The following LRMDA variants were observed in gnomAD, a reference collection of about 807,000 sequenced individuals.
LRMDA encodes leucine-rich melanocyte differentiation-associated protein.
LRMDA carries 18 observed loss-of-function variants against 29.8 expected under a neutral mutation model. The observed-to-expected ratio is 0.60, with a 90% CI of 0.42 to 0.90. The LOEUF is 0.90. Ranked by LOEUF, LRMDA falls within the 40% of genes least tolerant of loss-of-function variation. The pLI, the probability that LRMDA is intolerant of heterozygous loss-of-function variation, is 0.00. For synonymous variants in LRMDA, 125 were observed against 109.4 expected (o/e 1.14, Z -0.89); for missense variants, 273 against 273.9 (o/e 1.00, Z 0.02).
At chr10:76,051,134 C>CCGTCTGGT (rs1350329243) in intron 4 of LRMDA, among the ~76,000 whole-genome samples, 32 of 152,354 alleles carry the variant, frequency 2.1e-4, no homozygotes, top group South Asian at 2.1e-4. Context: ...GGACCCTCCG[C>CCGTCTGGT]CGTCTGGTCG....
intron 2 of LRMDA, among the ~76,000 whole-genome samples, chr10:75,913,308 T>G (rs1417352846): frequency 2.0e-5 from 3 of 151,842 alleles, no homozygotes; most frequent in Middle Eastern, 6.3e-3. Context: ...AAGACAAAAA[T>G]TAGTCATGCA....
intron 2 of LRMDA, among the ~76,000 whole-genome samples, chr10:75,882,332 T>A (rs1295387019): frequency 1.3e-5 from 2 of 152,220 alleles, no homozygotes; most frequent in African/African-American, 2.4e-5. Flanking sequence ...ATAATCATAG[T>A]TCCTTTCCTC....
chr10:75,730,647 T>C (rs1055855573), intron 2 of LRMDA, among the ~76,000 whole-genome samples: 1 of 152,210 alleles, frequency 6.6e-6, no homozygotes, highest in African/African-American at 2.4e-5. Flanking sequence ...TGGCCTGGGT[T>C]GCTCTTCATA....
chr10:75,560,860 A>T (rs543845976), intron 2 of LRMDA, among the ~76,000 whole-genome samples: 217 of 152,308 alleles, frequency 1.4e-3, no homozygotes, highest in Non-Finnish European at 2.3e-3. Context: ...ATATTGAACC[A>T]GCCTTGCATC....
chr10:76,386,707 AATT>A (rs1841664040), intron 6 of LRMDA, among the ~76,000 whole-genome samples: 1 of 152,230 alleles, frequency 6.6e-6, no homozygotes, highest in South Asian at 2.1e-4. Flanking sequence ...CTATAAAATA[AATT>A]ATTGACAGAT....
chr10:75,503,319 G>A (rs1204720038), intron 2 of LRMDA, among the ~76,000 whole-genome samples: 1 of 152,146 alleles, frequency 6.6e-6, no homozygotes, highest in East Asian at 1.9e-4. Flanking sequence ...GCATTATGCA[G>A]TTTGGGTGTT....
At chr10:76,065,419 GTGC>G (rs995358579) in intron 5 of LRMDA, among the ~76,000 whole-genome samples, 20 of 152,338 alleles carry the variant, frequency 1.3e-4, no homozygotes, top group African/African-American at 4.8e-4. Context: ...GCCTTGCCAG[GTGC>G]TGAGCACATA....
At chr10:75,757,009 T>C (rs117836603) in intron 2 of LRMDA, among the ~76,000 whole-genome samples, 3,527 of 152,270 alleles carry the variant, frequency 0.023, 95 homozygotes, top group East Asian at 0.1. Flanking sequence ...TTAATGGGGC[T>C]CCAAATTTTA....
chr10:75,752,496 C>G lies in LRMDA; in HGVS notation c.132-283512C>G, dbSNP rs113551417. Among the ~76,000 whole-genome samples the G allele has an allele frequency of 1.3e-3, 197 of 152,278 alleles. 1 individual carries two copies. The highest frequency in any genetic ancestry group is 4.4e-3 in the African/African-American group (184 of 41,550). Reference sequence around the variant, plus strand: ...AAGTGCTGGGATTACAGGTGTGAACCACCACGCCCAGCCAATGTGCCTTTT... The same window carrying G: ...AAGTGCTGGGATTACAGGTGTGAACGACCACGCCCAGCCAATGTGCCTTTT... On this transcript the variant is annotated intron_variant, in intron 2 of 6. Coordinates refer to ENST00000611255, the MANE Select transcript of LRMDA (RefSeq NM_001305581.2).
intron 2 of LRMDA, among the ~76,000 whole-genome samples, chr10:75,694,986 G>A (rs1842216680): frequency 6.6e-6 from 1 of 152,148 alleles, no homozygotes; most frequent in Non-Finnish European, 1.5e-5. Flanking sequence ...GAGCCACAGT[G>A]TCTGCATCCT....
At chr10:76,359,298 C>A (rs1419246469) in intron 6 of LRMDA, among the ~76,000 whole-genome samples, 1 of 152,200 alleles carries the variant, frequency 6.6e-6, no homozygotes, top group Admixed American at 6.5e-5. Flanking sequence ...CAGCACTTCC[C>A]TGAAACCTGA....
chr10:75,654,527 C>A (rs549611973), intron 2 of LRMDA, among the ~76,000 whole-genome samples: 164 of 152,260 alleles, frequency 1.1e-3, no homozygotes, highest in African/African-American at 3.8e-3. Context: ...TCCTTAATAC[C>A]TGGAGTATTT....
intron 6 of LRMDA, among the ~76,000 whole-genome samples, chr10:76,528,576 A>G (rs968167511): frequency 6.6e-6 from 1 of 152,134 alleles, no homozygotes; most frequent in Non-Finnish European, 1.5e-5. Flanking sequence ...AATTAAAATA[A>G]CTCCCCAAAC....
intron 2 of LRMDA, among the ~76,000 whole-genome samples, chr10:75,765,182 T>C (rs937480449): frequency 6.6e-5 from 10 of 152,182 alleles, no homozygotes; most frequent in Admixed American, 6.5e-4. Context: ...CTTTGGGGTA[T>C]GAGGAAGAGG....
In LRMDA at chr10:76,478,246, C is replaced by A. The variant is rs572523488; in HGVS notation, c.602-78963C>A. 2.9e-3 allele frequency among the ~76,000 whole-genome samples: 436 copies of A among 152,234 alleles called. 1 individual carries two copies. The highest frequency in any genetic ancestry group is 6.8e-3 in the Middle Eastern group (2 of 294). On this transcript the variant is annotated intron_variant, in intron 6 of 6. Coordinates refer to ENST00000611255, the MANE Select transcript of LRMDA (RefSeq NM_001305581.2). ...TCAAAAAGTAGGCGAAGGATATGAA[C>A]AGACACTTCTCAAAAGAAGACATTT...
chr10:75,894,714 A>G (rs1380842809), intron 2 of LRMDA, among the ~76,000 whole-genome samples: 1 of 152,172 alleles, frequency 6.6e-6, no homozygotes, highest in Non-Finnish European at 1.5e-5. Flanking sequence ...GAGCACTGCA[A>G]GACTGCTTGG....
At chr10:75,925,211 A>T (rs889140836) in intron 2 of LRMDA, among the ~76,000 whole-genome samples, 3 of 151,706 alleles carry the variant, frequency 2.0e-5, no homozygotes, top group Admixed American at 6.6e-5. Context: ...TTTTTTGTAA[A>T]TTTTTTTTGC....
At chr10:76,466,594 G>C (rs1374838815) in intron 6 of LRMDA, among the ~76,000 whole-genome samples, 2 of 152,082 alleles carry the variant, frequency 1.3e-5, no homozygotes, top group Non-Finnish European at 2.9e-5. Context: ...CCAGGAGTTT[G>C]AGACCAGCCT....
chr10:75,434,885 C>T (rs999297244), intron 1 of LRMDA, among the ~76,000 whole-genome samples: 1 of 152,228 alleles, frequency 6.6e-6, no homozygotes, highest in East Asian at 1.9e-4. Flanking sequence ...AGAGTCCCAA[C>T]GCAAAGTGAA....
Sources: gnomAD v4.1 joint callset for allele counts (sites outside exome capture counted in the v4.1 genomes callset) on GRCh38, gnomAD v4.1.1 for gene constraint, MANE v1.5 for transcripts, NCBI Gene and HGNC (gene_info 2026-07-23, HGNC 2026-07-21) for gene names.